The following RINT1 variants were observed in gnomAD, a reference collection of about 807,000 sequenced individuals.
RINT1 encodes the protein RAD50 interactor 1.
Under a neutral mutation model 97.7 loss-of-function variants are expected in RINT1, and 75 were observed. That is an observed-to-expected ratio of 0.77 (90% confidence interval 0.64 to 0.93). The LOEUF is 0.93. Ranked by LOEUF, RINT1 falls within the 40% of genes least tolerant of loss-of-function variation. RINT1 has a pLI of 0.00. For synonymous variants in RINT1, 303 were observed against 326.3 expected (o/e 0.93, Z 0.77); for missense variants, 892 against 925.2 (o/e 0.96, Z 0.47).
At chr7:105,545,047 AT>A (rs1790602887) in intron 4 of RINT1, among the ~76,000 whole-genome samples, 1 of 151,980 alleles carries the variant, frequency 6.6e-6, no homozygotes, top group South Asian at 2.1e-4. Context: ...CTTGGATACT[AT>A]AGTATAGCAC....
Position 105,542,413 on chromosome 7 carries a change from TAC to T in RINT1, c.281_282del (p.Thr94AsnfsTer7). On this transcript the variant is annotated frameshift_variant, in exon 4 of 15. Coordinates refer to ENST00000257700, the MANE Select transcript of RINT1 (RefSeq NM_021930.6). LOFTEE classifies it high-confidence loss of function. ...SKMQLEEQVL[T>X]ISSEIPKRIR... ...TTTTTTAAAATTATGGTCAGGTACT[TAC>T]AATTTCATCAGAAATTCCTAAAAGA... is the stretch of plus-strand genomic sequence containing the variant. 6.3e-7 allele frequency: 1 copy of T among 1,597,822 alleles called. No individual in the cohort carries two copies. Among genetic ancestry groups the T allele is most frequent in the Non-Finnish European group, 8.6e-7 (1 of 1,166,018 alleles).
At chr7:105,548,772 C>T (rs1038506793) in intron 7 of RINT1, 62 bp downstream of exon 7, 1 of 1,456,792 alleles carries the variant, frequency 6.9e-7, no homozygotes, top group East Asian at 2.3e-5. Context: ...GTTTCTATAC[C>T]TTTGCTGGTT....
At chr7:105,563,393 CTTTGT>C in intron 11 of RINT1, among the ~76,000 whole-genome samples, 1 of 152,292 alleles carries the variant, frequency 6.6e-6, no homozygotes, top group South Asian at 2.1e-4. Flanking sequence ...TGGAGTCTCA[CTTTGT>C]CGCCCAGGCT....
At chr7:105,567,095 CCCT>C in intron 14 of RINT1, 21 bp from the exon 15 acceptor site, 1 of 1,430,076 alleles carries the variant, frequency 7.0e-7, no homozygotes, top group Non-Finnish European at 9.3e-7. Context: ...GATCTCATTT[CCCT>C]CCTTTGTTTT....
chr7:105,540,171 C>T (rs915477350), intron 3 of RINT1, among the ~76,000 whole-genome samples: 5 of 150,518 alleles, frequency 3.3e-5, no homozygotes, highest in Non-Finnish European at 5.9e-5. Context: ...CTCTGCCTTC[C>T]GGGTTTCAAG....
chr7:105,551,382 G>A (rs818626), intron 9 of RINT1, among the ~76,000 whole-genome samples, 188 bp from the exon 10 acceptor site: 8,094 of 152,160 alleles, frequency 0.053, 575 homozygotes, highest in African/African-American at 0.17. Context: ...ACTATTTTCA[G>A]AATTTGGGGA....
intron 2 of RINT1, among the ~76,000 whole-genome samples, chr7:105,534,053 T>G (rs2133351790): frequency 6.6e-6 from 1 of 152,050 alleles, no homozygotes; most frequent in South Asian, 2.1e-4. Flanking sequence ...CACATTTGAA[T>G]GGTTACACAT....
At chr7:105,555,414 T>A in intron 11 of RINT1, 187 bp downstream of exon 11, 1 of 467,494 alleles carries the variant, frequency 2.1e-6, no homozygotes, top group Non-Finnish European at 3.8e-6. Context: ...TAAATAGTCC[T>A]GATATTTTAA....
intron 4 of RINT1, 64 bp downstream of exon 4, chr7:105,542,713 A>G (rs1790509541): frequency 1.3e-6 from 2 of 1,485,196 alleles, no homozygotes; most frequent in African/African-American, 1.4e-5. Context: ...CTTAGAGAGT[A>G]CATGTGTGCC....
intron 11 of RINT1, among the ~76,000 whole-genome samples, chr7:105,561,662 A>G (rs868720446): frequency 6.6e-6 from 1 of 152,138 alleles, no homozygotes; most frequent in African/African-American, 2.4e-5. Context: ...CCTGGGTTCA[A>G]GCAATTCTTC....
rs965311874 is a variant in RINT1 at position 105,567,408 on chromosome 7, T to G, written c.*97T>G. 8 of 849,686 alleles carry G rather than the reference T, an allele frequency of 9.4e-6. No individual in the cohort carries two copies. The highest frequency in any genetic ancestry group is 1.5e-5 in the Non-Finnish European group (8 of 527,046). 52.6% of individuals were successfully genotyped at this position (849,686 alleles called of 1,614,324 possible). On this transcript the variant is annotated 3_prime_UTR_variant, in exon 15 of 15. Coordinates refer to ENST00000257700, the MANE Select transcript of RINT1 (RefSeq NM_021930.6). ...TGATGAAATTCTGAATTAATGAAAC[T>G]GGAAAACTTTATAGAATTACTTATT...
chr7:105,539,433 T>G (rs1246021008), intron 3 of RINT1, among the ~76,000 whole-genome samples: 1 of 149,892 alleles, frequency 6.7e-6, no homozygotes, highest in Non-Finnish European at 1.5e-5. Context: ...CAATCTTGGC[T>G]CACTGCAACC....
chr7:105,561,285 T>G (rs1305153655), intron 11 of RINT1, among the ~76,000 whole-genome samples: 1 of 152,058 alleles, frequency 6.6e-6, no homozygotes, highest in Admixed American at 6.5e-5. Context: ...CTCAGCACTT[T>G]GGGAAGCCAA....
intron 2 of RINT1, chr7:105,535,688 A>C (rs1296753031): frequency 2.5e-6 from 1 of 401,706 alleles, no homozygotes; most frequent in African/African-American, 2.1e-5. Context: ...ACCTGAGACT[A>C]CAGGTGTGTT....
At chr7:105,565,230 A>G in intron 12 of RINT1, 47 bp from the exon 13 acceptor site, 1 of 1,538,096 alleles carries the variant, frequency 6.5e-7, no homozygotes, top group Non-Finnish European at 8.8e-7. Context: ...AAAACTTGAA[A>G]AATAGAAACT....
intron 7 of RINT1, 68 bp from the exon 8 acceptor site, chr7:105,549,987 G>A: frequency 2.0e-6 from 2 of 999,706 alleles, no homozygotes; most frequent in Non-Finnish European, 3.0e-6. Flanking sequence ...CAATTAAATA[G>A]AACCATGTAA....
chr7:105,558,565 C>T (rs936126331), intron 11 of RINT1, among the ~76,000 whole-genome samples: 1 of 152,162 alleles, frequency 6.6e-6, no homozygotes, highest in Non-Finnish European at 1.5e-5. Flanking sequence ...ATGTCTCACA[C>T]CTGTAATCCC....
intron 3 of RINT1, among the ~76,000 whole-genome samples, chr7:105,538,079 G>C (rs892317292): frequency 6.6e-6 from 1 of 151,262 alleles, no homozygotes; most frequent in South Asian, 2.1e-4. Context: ...TGCAACCTCT[G>C]CCTCCTGGGT....
chr7:105,546,665 G>C (rs1293623796), intron 4 of RINT1, among the ~76,000 whole-genome samples: 4 of 152,188 alleles, frequency 2.6e-5, no homozygotes, highest in Non-Finnish European at 5.9e-5. Flanking sequence ...CTTGAGGTCA[G>C]GAGTTCAAGA....
Sources: allele counts gnomAD v4.1 joint callset (sites outside exome capture counted in the v4.1 genomes callset), GRCh38; gene constraint gnomAD v4.1.1; transcripts MANE v1.5; gene names NCBI Gene and HGNC (gene_info 2026-07-23, HGNC 2026-07-21).